LYN: variants seen among roughly 807,000 people sequenced by gnomAD.
LYN encodes the protein LYN proto-oncogene, Src family tyrosine kinase.
Under a neutral mutation model 65.0 loss-of-function variants are expected in LYN, and 12 were observed. The observed-to-expected ratio is 0.18, with a 90% CI of 0.12 to 0.30. LYN has a LOEUF of 0.30. Ranked by LOEUF, LYN falls within the 10% of genes least tolerant of loss-of-function variation. The pLI is 1.00. For synonymous variants in LYN, 222 were observed against 221.2 expected, an observed-to-expected ratio of 1.00 and a Z score of -0.03; for missense variants, 380 against 623.2, an observed-to-expected ratio of 0.61 and a Z score of 4.16.
At chr8:56,005,533 C>T (rs1173487974) in intron 12 of LYN, among the ~76,000 whole-genome samples, 2 of 152,208 alleles carry the variant, frequency 1.3e-5, no homozygotes, top group Admixed American at 6.5e-5. Context: ...GCCGCCTTGC[C>T]CGTTGTCAGT....
chr8:55,953,318 A>C (rs16922472), intron 7 of LYN, among the ~76,000 whole-genome samples: 1 of 152,138 alleles, frequency 6.6e-6, no homozygotes, highest in Admixed American at 6.5e-5. Flanking sequence ...GCAGTGCTGA[A>C]GAATACAATC....
chr8:55,932,404 A>G (rs1001984598), intron 1 of LYN, among the ~76,000 whole-genome samples: 2 of 124,472 alleles, frequency 1.6e-5, no homozygotes, highest in South Asian at 4.5e-4. Flanking sequence ...AAACAATTAT[A>G]TATATATTTT....
intron 4 of LYN, among the ~76,000 whole-genome samples, chr8:55,948,417 A>G (rs1806847144): frequency 1.3e-5 from 2 of 152,142 alleles, no homozygotes; most frequent in African/African-American, 4.8e-5. Context: ...TTGAGTTCTA[A>G]GGGTACTGAG....
intron 8 of LYN, among the ~76,000 whole-genome samples, chr8:55,961,505 G>A (rs978553503): frequency 2.0e-5 from 3 of 152,032 alleles, no homozygotes; most frequent in Non-Finnish European, 4.4e-5. Flanking sequence ...GGGAGCTGCC[G>A]CCATTCTTGG....
At chr8:55,935,314 G>A (rs1806397301) in intron 1 of LYN, among the ~76,000 whole-genome samples, 1 of 152,166 alleles carries the variant, frequency 6.6e-6, no homozygotes, top group African/African-American at 2.4e-5. Flanking sequence ...GGCCAGCCCG[G>A]GTTACCAGCT....
chr8:55,974,669 A>G (rs1252562860), intron 10 of LYN, among the ~76,000 whole-genome samples: 1 of 152,228 alleles, frequency 6.6e-6, no homozygotes, highest in Non-Finnish European at 1.5e-5. Context: ...ATTTGCCAAT[A>G]TCATCCAAAG....
chr8:55,979,913 G>A (rs1484818140), intron 10 of LYN, among the ~76,000 whole-genome samples: 1 of 152,184 alleles, frequency 6.6e-6, no homozygotes, highest in African/African-American at 2.4e-5. Flanking sequence ...TGCCATAGTT[G>A]CTGCCTCCTG....
At position 56,011,741 on chromosome 8, in the gene LYN, T is replaced by C. The variant is rs1004091882; in HGVS notation, c.*1631T>C. On this transcript the variant is annotated 3_prime_UTR_variant, in exon 13 of 13. Coordinates refer to ENST00000519728, the MANE Select transcript of LYN (RefSeq NM_002350.4). ...TCCTATGTGATTTTTTTAAATGTCC[T>C]TTCTAAAATATTCTAAAATTATTGA... 2 of 188,358 alleles carry C rather than the reference T, an allele frequency of 1.1e-5. No homozygotes were observed. The highest frequency in any genetic ancestry group is 4.7e-5 in the African/African-American group (2 of 42,878). The allele number at this position is 188,358 out of a possible 1,614,324, so 11.7% of individuals were successfully genotyped here. A position where few individuals can be genotyped will look rare whatever the true frequency, so the allele number is the denominator to read the frequency against.
intron 10 of LYN, among the ~76,000 whole-genome samples, chr8:55,977,457 T>C (rs1004943210): frequency 8.5e-5 from 13 of 152,240 alleles, no homozygotes; most frequent in African/African-American, 2.9e-4. Context: ...TTTATAGAAA[T>C]TGGTCTGTTT....
At chr8:55,941,833 C>A (rs775364308) in intron 1 of LYN, 22 bp from the exon 2 acceptor site, 5 of 1,604,910 alleles carry the variant, frequency 3.1e-6, no homozygotes, top group Middle Eastern at 1.7e-4. Context: ...AAAACAATGT[C>A]ATTACTTTTA....
chr8:55,946,493 G>A lies in LYN; in HGVS notation c.178G>A (p.Asp60Asn). The change falls in exon 3 of 13, where the codon GAT becomes AAT. Residue 60 changes from aspartate to asparagine, a missense_variant and splice_region_variant. Physicochemically the swap from Asp to Asn is conservative, Grantham distance 23. This residue lies in a region of LYN where 157 missense variants were observed against 193.2 expected (regional missense o/e 0.81). Coordinates refer to ENST00000519728, the MANE Select transcript of LYN (RefSeq NM_002350.4). ...ACCTGGACAGAGGTTTCAAACTAAA[G>A]GTATGTTTTCATAGCAACATAGTTA... ...LLPGQRFQTK[D>N]PEEQGDIVVA... is the part of the protein sequence containing the mutation. The A allele has an allele frequency of 6.2e-7, 1 of 1,601,870 alleles. No individual in the cohort carries two copies. The highest frequency in any genetic ancestry group is 8.5e-7 in the Non-Finnish European group (1 of 1,170,742).
intron 10 of LYN, among the ~76,000 whole-genome samples, chr8:55,977,675 G>A (rs1046847400): frequency 5.9e-5 from 9 of 151,708 alleles, no homozygotes; most frequent in Non-Finnish European, 1.3e-4. Flanking sequence ...CTCTTTGGGA[G>A]GCTGAAGTGG....
chr8:55,962,620 T>C (rs1807319769), intron 8 of LYN, among the ~76,000 whole-genome samples: 2 of 152,346 alleles, frequency 1.3e-5, no homozygotes, highest in South Asian at 2.1e-4. Context: ...GGTGTGGCTA[T>C]GGTTTATTCA....
chr8:55,905,815 T>C (rs1805403514), intron 1 of LYN, among the ~76,000 whole-genome samples: 1 of 152,112 alleles, frequency 6.6e-6, no homozygotes, highest in Non-Finnish European at 1.5e-5. Context: ...AGTCCCTTGC[T>C]CCAGGGACTT....
chr8:55,896,132 T>C (rs111857708), intron 1 of LYN, among the ~76,000 whole-genome samples: 45 of 150,502 alleles, frequency 3.0e-4, no homozygotes, highest in African/African-American at 1.0e-3. Context: ...TAGCTAGACG[T>C]GGTGGCATGC....
intron 1 of LYN, among the ~76,000 whole-genome samples, chr8:55,880,436 G>A (rs769966767): frequency 2.6e-5 from 4 of 152,110 alleles, no homozygotes; most frequent in Non-Finnish European, 5.9e-5. Context: ...GTGAGGGCCC[G>A]AGGGCCGGCT....
At chr8:55,947,898 G>A (rs931513327) in intron 4 of LYN, among the ~76,000 whole-genome samples, 175 bp downstream of exon 4, 1 of 152,174 alleles carries the variant, frequency 6.6e-6, no homozygotes, top group African/African-American at 2.4e-5. Flanking sequence ...TAGAGCCAAA[G>A]GGATTTTCCT....
chr8:55,947,785 G>A, intron 4 of LYN, 62 bp downstream of exon 4: 2 of 1,139,636 alleles, frequency 1.8e-6, no homozygotes, highest in Non-Finnish European at 2.7e-6. Flanking sequence ...CCTGCAGGCT[G>A]TCCCCTTGTC....
chr8:55,920,123 G>A lies in LYN; in HGVS notation c.-5-21732G>A, dbSNP rs112699673. ...TATGTGAGCATGGGCTGTAAATATA[G>A]TAAAATAATTCAGCAGATTAATTGT... On this transcript the variant is annotated intron_variant, in intron 1 of 12. Coordinates refer to ENST00000519728, the MANE Select transcript of LYN (RefSeq NM_002350.4). 4.1e-3 allele frequency among the ~76,000 whole-genome samples: 620 copies of A among 152,290 alleles called. 4 individuals carry two copies. The highest frequency in any genetic ancestry group is 0.014 in the African/African-American group (579 of 41,556).
Sources: gnomAD v4.1 joint callset for allele counts (sites outside exome capture counted in the v4.1 genomes callset) on GRCh38, gnomAD v4.1.1 for gene constraint, gnomAD v4.1.1 regional missense constraint, MANE v1.5 for transcripts, NCBI Gene and HGNC (gene_info 2026-07-23, HGNC 2026-07-21) for gene names.